PELI2: variants seen among roughly 807,000 people sequenced by gnomAD.
PELI2 encodes the protein pellino E3 ubiquitin protein ligase family member 2.
In PELI2, 23 loss-of-function variants were observed where a neutral mutation model predicts 42.3. That is an observed-to-expected ratio of 0.54 (90% CI 0.39 to 0.77). The LOEUF is 0.77. Ranked by LOEUF, PELI2 falls within the 30% of genes least tolerant of loss-of-function variation. PELI2 has a pLI of 0.00. For synonymous variants in PELI2, 245 were observed against 212.2 expected (o/e 1.15, Z -1.34); for missense variants, 463 against 553.2 (o/e 0.84, Z 1.64).
chr14:56,220,545 A>G (rs551217054), intron 2 of PELI2, among the ~76,000 whole-genome samples: 3 of 152,328 alleles, frequency 2.0e-5, no homozygotes, highest in Admixed American at 6.5e-5. Flanking sequence ...GCTGATTCCA[A>G]TACTACGTGT....
intron 1 of PELI2, among the ~76,000 whole-genome samples, chr14:56,154,700 G>T (rs118044498): frequency 1.3e-5 from 2 of 152,132 alleles, no homozygotes; most frequent in East Asian, 1.9e-4. Flanking sequence ...CTTATAAACA[G>T]TGACATAATT....
intron 2 of PELI2, among the ~76,000 whole-genome samples, chr14:56,186,189 G>C (rs548899266): frequency 3.3e-5 from 5 of 152,314 alleles, no homozygotes; most frequent in African/African-American, 1.2e-4. Context: ...TGGATCTGAA[G>C]AAGAGGGGAC....
chr14:56,260,949 G>A (rs1372878059), intron 2 of PELI2, among the ~76,000 whole-genome samples: 1 of 152,126 alleles, frequency 6.6e-6, no homozygotes, highest in Non-Finnish European at 1.5e-5. Flanking sequence ...GTTTCACCAA[G>A]GGAAGGAATC....
At chr14:56,259,547 G>A (rs1235372262) in intron 2 of PELI2, among the ~76,000 whole-genome samples, 2 of 152,134 alleles carry the variant, frequency 1.3e-5, no homozygotes, top group African/African-American at 4.8e-5. Flanking sequence ...GAAATGGTAT[G>A]ATCGTCTCCA....
At chr14:56,123,016 A>G (rs1478239169) in intron 1 of PELI2, among the ~76,000 whole-genome samples, 2 of 152,232 alleles carry the variant, frequency 1.3e-5, no homozygotes, top group Non-Finnish European at 2.9e-5. Flanking sequence ...TACAAATGAA[A>G]ATTTATAAAT....
intron 2 of PELI2, among the ~76,000 whole-genome samples, chr14:56,276,678 T>C (rs540685524): frequency 8.5e-4 from 129 of 152,290 alleles, no homozygotes; most frequent in Non-Finnish European, 1.4e-3. Context: ...GCAGTCTCTT[T>C]TCCCACTTTC....
intron 2 of PELI2, among the ~76,000 whole-genome samples, chr14:56,279,072 AT>A (rs1302094947): frequency 6.6e-6 from 1 of 152,150 alleles, no homozygotes; most frequent in Non-Finnish European, 1.5e-5. Context: ...AAAAAATAAA[AT>A]TGCTAGTTAC....
intron 2 of PELI2, among the ~76,000 whole-genome samples, chr14:56,231,072 T>G: frequency 6.6e-6 from 1 of 152,180 alleles, no homozygotes; most frequent in East Asian, 1.9e-4. Flanking sequence ...TAAATATATA[T>G]GCACCCAATA....
At chr14:56,285,172 A>G (rs1157724824) in intron 3 of PELI2, among the ~76,000 whole-genome samples, 1 of 152,222 alleles carries the variant, frequency 6.6e-6, no homozygotes, top group Non-Finnish European at 1.5e-5. Context: ...GGCTAAGGTG[A>G]TAGAACCCAA....
intron 2 of PELI2, among the ~76,000 whole-genome samples, chr14:56,263,749 T>C (rs1286324035): frequency 6.6e-6 from 1 of 152,172 alleles, no homozygotes; most frequent in Non-Finnish European, 1.5e-5. Flanking sequence ...ATAGTCTTAT[T>C]GTTCTTATTA....
At chr14:56,194,864 T>A (rs1886076445) in intron 2 of PELI2, among the ~76,000 whole-genome samples, 1 of 152,144 alleles carries the variant, frequency 6.6e-6, no homozygotes, top group Non-Finnish European at 1.5e-5. Context: ...TGTAAAAGAT[T>A]AGTACATTTA....
At chr14:56,227,589 T>C (rs1887404241) in intron 2 of PELI2, among the ~76,000 whole-genome samples, 1 of 151,008 alleles carries the variant, frequency 6.6e-6, no homozygotes, top group Non-Finnish European at 1.5e-5. Context: ...CAAATATGAA[T>C]ATATGTGTAC....
intron 2 of PELI2, among the ~76,000 whole-genome samples, chr14:56,232,845 TCTATTTAGAAAACCCTATCATCTCA>T (rs1444833886): frequency 2.7e-5 from 4 of 150,444 alleles, no homozygotes. Context: ...GACATGATTG[TCTATTTAGAAAACCCTATCATCTCA>T]GCCCAAAATC....
intron 2 of PELI2, among the ~76,000 whole-genome samples, chr14:56,224,678 AT>A (rs554523811): frequency 6.6e-6 from 1 of 152,128 alleles, no homozygotes; most frequent in African/African-American, 2.4e-5. Flanking sequence ...AATTTAATAT[AT>A]TTTTTGTGTA....
rs757416912 is a variant in PELI2, at chr14:56,140,983, A to G, written c.77+22246A>G. On this transcript the variant is annotated intron_variant, in intron 1 of 5. Coordinates refer to ENST00000267460, the MANE Select transcript of PELI2 (RefSeq NM_021255.3). Reference sequence around the variant, plus strand: ...TCTATCCTTTTTCCCCTCGTACTCTATTGTTTAGTTGTCCTGTCTGCTGAG... The same window carrying G: ...TCTATCCTTTTTCCCCTCGTACTCTGTTGTTTAGTTGTCCTGTCTGCTGAG... 5.9e-5 allele frequency among the ~76,000 whole-genome samples: 9 copies of G among 152,100 alleles called. No individual in the cohort carries two copies. In the South Asian group the frequency reaches 8.3e-4, roughly 14 times the overall value.
At chr14:56,159,279 T>A (rs1288365136) in intron 1 of PELI2, among the ~76,000 whole-genome samples, 3 of 152,202 alleles carry the variant, frequency 2.0e-5, no homozygotes, top group Non-Finnish European at 2.9e-5. Flanking sequence ...TGTGTGGATG[T>A]GGTCTGGGTC....
Position 56,229,682 on chromosome 14 carries a change from G to A in PELI2, c.208-49994G>A, listed in dbSNP as rs531285979. Among the ~76,000 whole-genome samples the A allele has an allele frequency of 4.6e-5, 7 of 152,284 alleles. No homozygotes were observed. The East Asian group carries it at 1.2e-3, about 25-fold the overall frequency. On this transcript the variant is annotated intron_variant, in intron 2 of 5. Transcript: ENST00000267460. The stretch of plus-strand genomic sequence containing the variant: ...AGCTGAAAATTCTAAAAACCAGAGT[G>A]CCTCTTCTCCCCCAAAGGAATGCAG...
chr14:56,195,548 G>C (rs1231549612), intron 2 of PELI2, among the ~76,000 whole-genome samples: 2 of 152,194 alleles, frequency 1.3e-5, no homozygotes, highest in African/African-American at 4.8e-5. Context: ...CTGTGTGGAA[G>C]GCCTTTCAGC....
chr14:56,167,729 A>G (rs1034734804), intron 1 of PELI2, among the ~76,000 whole-genome samples: 4 of 152,272 alleles, frequency 2.6e-5, no homozygotes, highest in Admixed American at 6.5e-5. Flanking sequence ...TGTTGATGCT[A>G]GTAGATGTTC....
Sources: gnomAD v4.1 joint callset for allele counts (sites outside exome capture counted in the v4.1 genomes callset) on GRCh38, gnomAD v4.1.1 for gene constraint, MANE v1.5 for transcripts, NCBI Gene and HGNC (gene_info 2026-07-23, HGNC 2026-07-21) for gene names.